Variants in DNMBP observed in about 807,000 individuals in gnomAD.
The protein encoded by DNMBP is dynamin binding protein, also known as dynamin-binding protein.
In DNMBP, 87 loss-of-function variants were observed where a neutral mutation model predicts 150.0. The ratio of observed to expected loss-of-function variants is 0.58; its 90% CI spans 0.49 to 0.69. DNMBP has a LOEUF of 0.69. Among genes scored for constraint, DNMBP ranks in the 30% least tolerant of loss-of-function variants. DNMBP has a pLI of 0.00. For synonymous variants in DNMBP, 711 were observed against 750.4 expected (o/e 0.95, Z 0.86); for missense variants, 1,774 against 1,949.0 (o/e 0.91, Z 1.69).
chr10:99,891,822 G>A (rs1359029382), intron 11 of DNMBP, among the ~76,000 whole-genome samples: 9 of 149,462 alleles, frequency 6.0e-5, no homozygotes, highest in East Asian at 6.0e-4. Context: ...CCTCTGCCCC[G>A]CCGCCCCATC....
Position 99,956,674 on chromosome 10 carries a change from C to A in DNMBP, c.800G>T (p.Gly267Val). The A allele has an allele frequency of 6.2e-7, 1 of 1,613,632 alleles. No homozygotes were observed. Among genetic ancestry groups the A allele is most frequent in the African/African-American group, 1.3e-5 (1 of 75,026 alleles). The stretch of plus-strand genomic sequence containing the variant: ...GGTCGCCAGAATTCGGATTTTATCC[C>A]CGACCTCGAAATCCAGCTCATTTGG... ...LEPNELDFEV[G>V]DKIRILATLE... The change falls in exon 4 of 17, where the codon GGG (glycine) becomes GTG (valine). Residue 267 changes from glycine to valine, a missense_variant. Transcript: ENST00000324109.
chr10:99,949,738 T>A (rs1440373847), intron 4 of DNMBP, among the ~76,000 whole-genome samples: 1 of 152,180 alleles, frequency 6.6e-6, no homozygotes, highest in Non-Finnish European at 1.5e-5. Flanking sequence ...AGCAATTTTT[T>A]TAAAAAGTCA....
At chr10:99,943,807 G>C (rs2040328566) in intron 4 of DNMBP, among the ~76,000 whole-genome samples, 2 of 152,158 alleles carry the variant, frequency 1.3e-5, no homozygotes, top group South Asian at 4.1e-4. Flanking sequence ...AATCTGTCTA[G>C]AATATTACGT....
At chr10:99,941,429 ACCTCAGGGTTACC>A (rs951431573) in intron 4 of DNMBP, among the ~76,000 whole-genome samples, 10 of 151,570 alleles carry the variant, frequency 6.6e-5, no homozygotes, top group African/African-American at 1.2e-4. Flanking sequence ...CAGTTGCCTA[ACCTCAGGGTTACC>A]CCTCAGGGTT....
chr10:99,933,798 G>A (rs1381518837), intron 4 of DNMBP, among the ~76,000 whole-genome samples: 3 of 152,094 alleles, frequency 2.0e-5, no homozygotes, highest in Admixed American at 1.3e-4. Context: ...GTGCAGTGGC[G>A]CGATCTTGGC....
chr10:99,994,087 C>T (rs1228790716), intron 1 of DNMBP, among the ~76,000 whole-genome samples: 2 of 152,138 alleles, frequency 1.3e-5, no homozygotes, highest in Non-Finnish European at 2.9e-5. Flanking sequence ...AAAGAGAAGT[C>T]ATATTTGCTA....
At chr10:99,994,830 C>A (rs545497035) in intron 1 of DNMBP, among the ~76,000 whole-genome samples, 26 of 152,270 alleles carry the variant, frequency 1.7e-4, no homozygotes, top group African/African-American at 6.3e-4. Flanking sequence ...TTCTTTGGGG[C>A]TCCTGCAATA....
chr10:99,885,218 C>T (rs118098318), intron 14 of DNMBP, among the ~76,000 whole-genome samples: 3,840 of 152,046 alleles, frequency 0.025, 77 homozygotes, highest in Non-Finnish European at 0.034. Context: ...CCCCTCCCCC[C>T]CACAAAAAAA....
chr10:99,976,773 T>A (rs1012658143), intron 1 of DNMBP, among the ~76,000 whole-genome samples: 3 of 150,212 alleles, frequency 2.0e-5, no homozygotes, highest in Non-Finnish European at 4.4e-5. Flanking sequence ...GGTGGTGTCC[T>A]AAGTATTTTC....
chr10:99,964,497 G>T (rs7075965), intron 3 of DNMBP, among the ~76,000 whole-genome samples: 67,685 of 145,314 alleles, frequency 0.47, 16,440 homozygotes, highest in African/African-American at 0.63. Context: ...TCCTGTTTTT[G>T]TTTTTTTTTT....
intron 1 of DNMBP, among the ~76,000 whole-genome samples, chr10:99,976,775 A>G (rs1023163263): frequency 1.3e-5 from 2 of 149,960 alleles, no homozygotes; most frequent in Non-Finnish European, 1.5e-5. Flanking sequence ...TGGTGTCCTA[A>G]GTATTTTCTT....
chr10:99,906,658 G>C (rs2039829629), intron 6 of DNMBP, among the ~76,000 whole-genome samples: 1 of 152,258 alleles, frequency 6.6e-6, no homozygotes, highest in Non-Finnish European at 1.5e-5. Flanking sequence ...GGAAAGCCCA[G>C]GGAGAGGCTC....
At chr10:99,920,717 CAG>C (rs1355316040) in intron 4 of DNMBP, among the ~76,000 whole-genome samples, 3 of 152,118 alleles carry the variant, frequency 2.0e-5, no homozygotes, top group Admixed American at 6.5e-5. Flanking sequence ...GTTTTTGAGA[CAG>C]AGTCTCGCTG....
Position 99,888,968 on chromosome 10 carries a change from G to C in DNMBP, c.3157-15C>G. 6.2e-7 allele frequency: 1 copy of C among 1,613,884 alleles called. No individual in the cohort carries two copies. Among genetic ancestry groups the C allele is most frequent in the Non-Finnish European group, 8.5e-7 (1 of 1,179,904 alleles). On this transcript the variant is annotated splice_polypyrimidine_tract_variant and intron_variant, in intron 11 of 16. Transcript: ENST00000324109. ...CATGCGGACTCCTGGAGCCAGTTAG[G>C]ACAGACACAAGTCAGAACAGACAGA...
intron 3 of DNMBP, among the ~76,000 whole-genome samples, chr10:99,962,662 AT>A (rs2040577670): frequency 6.6e-6 from 1 of 152,144 alleles, no homozygotes; most frequent in Non-Finnish European, 1.5e-5. Flanking sequence ...ACCACAAGTA[AT>A]TTTTCCCCCT....
At chr10:99,909,329 T>G (rs2039872425) in intron 4 of DNMBP, among the ~76,000 whole-genome samples, 183 bp from the exon 5 acceptor site, 1 of 152,244 alleles carries the variant, frequency 6.6e-6, no homozygotes, top group Non-Finnish European at 1.5e-5. Context: ...AAGCCATCAC[T>G]GCAGAGAGAA....
At chr10:99,888,164 T>G (rs2039498972) in intron 12 of DNMBP, among the ~76,000 whole-genome samples, 1 of 151,936 alleles carries the variant, frequency 6.6e-6, no homozygotes, top group African/African-American at 2.4e-5. Context: ...TGGTAACATA[T>G]TAACTATATT....
At position 99,876,083 on chromosome 10, in the gene DNMBP, T is replaced by A. The variant is rs1053846091; in HGVS notation, c.*1068A>T. On this transcript the variant is annotated 3_prime_UTR_variant, in exon 17 of 17. Transcript: ENST00000324109. ...ATCTATGGATGTAACTAAACAGTCA[T>A]TAGGGTGCTTGGATGAAGAAGAAAG... 1 of 152,218 alleles carries A rather than the reference T, an allele frequency of 6.6e-6. No homozygotes were observed. The highest frequency in any genetic ancestry group is 1.5e-5 in the Non-Finnish European group (1 of 68,028). The allele number at this position is 152,218 out of a possible 1,614,324, so 9.4% of individuals were successfully genotyped here. A position where few individuals can be genotyped will look rare whatever the true frequency, so the allele number is the denominator to read the frequency against.
intron 1 of DNMBP, among the ~76,000 whole-genome samples, chr10:99,981,299 A>G (rs940135283): frequency 5.9e-5 from 9 of 152,240 alleles, no homozygotes; most frequent in Admixed American, 5.9e-4. Flanking sequence ...CTCGTGCCTC[A>G]GCCTCCTGAG....
Sources: allele counts gnomAD v4.1 joint callset (sites outside exome capture counted in the v4.1 genomes callset), GRCh38; gene constraint gnomAD v4.1.1; transcripts MANE v1.5; gene names NCBI Gene and HGNC (gene_info 2026-07-23, HGNC 2026-07-21).